Variants in MTMR9 observed in about 807,000 individuals in gnomAD.
The protein encoded by MTMR9 is myotubularin-related protein 9.
In MTMR9, 39 loss-of-function variants were observed where a neutral mutation model predicts 69.5. The ratio of observed to expected loss-of-function variants is 0.56; its 90% confidence interval spans 0.43 to 0.73. MTMR9 has a LOEUF of 0.73. MTMR9 is among the 30% of genes least tolerant of loss of function. The pLI, the probability that MTMR9 is intolerant of heterozygous loss-of-function variation, is 0.00. For missense variants in MTMR9, 900 were observed against 671.2 expected (o/e 1.34, Z -3.77); for synonymous variants, 354 against 240.8 (o/e 1.47, Z -4.35).
At chr8:11,301,516 T>C (rs557005066) in intron 3 of MTMR9, among the ~76,000 whole-genome samples, 14 of 152,368 alleles carry the variant, frequency 9.2e-5, no homozygotes, top group African/African-American at 3.4e-4. Flanking sequence ...AAATGTATTA[T>C]GCAACTAAAC....
chr8:11,299,354 T>G (rs1799670138), intron 2 of MTMR9, among the ~76,000 whole-genome samples: 1 of 152,156 alleles, frequency 6.6e-6, no homozygotes, highest in South Asian at 2.1e-4. Context: ...ACTTTAGATT[T>G]TATTATGTGC....
At position 11,285,084 on chromosome 8, in the gene MTMR9, C is replaced by T. The variant is rs1017575448; in HGVS notation, c.182+14C>T. 2 of 1,565,054 alleles carry T rather than the reference C, an allele frequency of 1.3e-6. No individual in the cohort carries two copies. The highest frequency in any genetic ancestry group is 1.7e-6 in the Non-Finnish European group (2 of 1,151,500). On this transcript the variant is annotated intron_variant, in intron 1 of 9. Transcript: ENST00000221086. Reference sequence around the variant, plus strand: ...CATCGACAAGCGGTGAGTGCCCGCCCCACCCCAGCTCCGCAGGGAGCCGGG... The same window carrying T: ...CATCGACAAGCGGTGAGTGCCCGCCTCACCCCAGCTCCGCAGGGAGCCGGG...
rs1165195681 is a variant in MTMR9 at position 11,284,888 on chromosome 8, C to G, written c.-1C>G. 6.3e-7 allele frequency: 1 copy of G among 1,596,746 alleles called. No individual in the cohort carries two copies. The highest frequency in any genetic ancestry group is 1.1e-5 in the South Asian group (1 of 89,144). ...TTCCCTGGCTCCGGCCGCGGGGGAGCATGGAGTTTGCGGAGCTGATTAAGA... is the reference window on the plus strand; with the variant it reads ...TTCCCTGGCTCCGGCCGCGGGGGAGGATGGAGTTTGCGGAGCTGATTAAGA... On this transcript the variant is annotated 5_prime_UTR_variant, in exon 1 of 10. Transcript: ENST00000221086.
rs367767201 is a variant in MTMR9, at chr8:11,317,215, A to T, written c.1334+322A>T. 34 of 164,890 alleles carry T rather than the reference A, an allele frequency of 2.1e-4. No individual in the cohort carries two copies. The East Asian group carries it at 3.9e-3, about 19-fold the overall frequency. 10.2% of individuals were successfully genotyped at this position (164,890 alleles called of 1,614,324 possible). ...ATTTATAATTCAGGTCTTCCCTCTA[A>T]TTTTATTAAGAAAGTAAGATCCAGA... On this transcript the variant is annotated intron_variant, in intron 8 of 9. Coordinates refer to ENST00000221086, the MANE Select transcript of MTMR9 (RefSeq NM_015458.4).
At chr8:11,299,668 C>T (rs931945104) in intron 2 of MTMR9, among the ~76,000 whole-genome samples, 129 of 152,170 alleles carry the variant, frequency 8.5e-4, no homozygotes, top group Non-Finnish European at 1.2e-4. Context: ...TACTGACTAG[C>T]CAAAAACTGA....
chr8:11,306,706 C>T (rs772284049), intron 5 of MTMR9, among the ~76,000 whole-genome samples: 17 of 152,182 alleles, frequency 1.1e-4, no homozygotes, highest in African/African-American at 3.9e-4. Flanking sequence ...ATGGTGAGAA[C>T]ATTTAATATC....
intron 5 of MTMR9, 43 bp downstream of exon 5, chr8:11,306,450 A>G (rs1393589305): frequency 3.2e-6 from 5 of 1,560,122 alleles, no homozygotes; most frequent in East Asian, 4.5e-5. Flanking sequence ...TTAGAAGCTA[A>G]TTATAGTGGG....
chr8:11,284,952 T>C lies in MTMR9; in HGVS notation c.64T>C (p.Tyr22His). The stretch of plus-strand genomic sequence containing the variant: ...CAATGTGGTGCTGCACCGGCCTTTC[T>C]ACCCGGCTGTCGAGGGCACCCTGTG... Reference protein sequence around the residue: ...VDNVVLHRPFYPAVEGTLCLT... With the variant: ...VDNVVLHRPFHPAVEGTLCLT... Residue 22 changes from tyrosine to histidine, a missense_variant, in exon 1 of 10, where the codon TAC becomes CAC. Physicochemically the swap from Tyr to His is moderately conservative, Grantham distance 83 (BLOSUM62 2). Coordinates refer to ENST00000221086, the MANE Select transcript of MTMR9 (RefSeq NM_015458.4). The C allele has an allele frequency of 2.5e-6, 4 of 1,613,938 alleles. No individual in the cohort carries two copies. The highest frequency in any genetic ancestry group is 1.6e-4 in the Middle Eastern group (1 of 6,062).
rs184598611 is a variant in MTMR9 at position 11,301,386 on chromosome 8, A to G, written c.417+1238A>G. ...TCAGTTGATTTTTGACAAAAGTACC[A>G]ATACAATTCAATTGGGAAAGGATAG... On this transcript the variant is annotated intron_variant, in intron 3 of 9. Transcript: ENST00000221086. Among the ~76,000 whole-genome samples the G allele has an allele frequency of 8.5e-4, 130 of 152,334 alleles. 1 individual carries two copies. Among genetic ancestry groups the G allele is most frequent in the African/African-American group, 3.0e-3 (123 of 41,564 alleles).
At chr8:11,316,197 A>G (rs1195085577) in intron 7 of MTMR9, 1 of 152,308 alleles carries the variant, frequency 6.6e-6, no homozygotes, top group Non-Finnish European at 1.5e-5. Flanking sequence ...TTACTATCAG[A>G]GCTGACATTA....
At chr8:11,320,202 A>G (rs1585135607) in intron 9 of MTMR9, 2 of 190,798 alleles carry the variant, frequency 1.0e-5, no homozygotes, top group East Asian at 3.0e-4. Context: ...AGCAGTCATT[A>G]GGATAGGTTC....
intron 2 of MTMR9, 106 bp downstream of exon 2, chr8:11,295,408 A>G: frequency 2.7e-6 from 2 of 732,162 alleles, no homozygotes; most frequent in Non-Finnish European, 4.8e-6. Flanking sequence ...CTCTGACTCA[A>G]ATACTGAAGA....
intron 1 of MTMR9, 49 bp downstream of exon 1, chr8:11,285,119 T>G: frequency 6.8e-7 from 1 of 1,465,242 alleles, no homozygotes; most frequent in East Asian, 2.6e-5. Flanking sequence ...GGGTCCCTTG[T>G]GGGCGCCCCG....
intron 5 of MTMR9, among the ~76,000 whole-genome samples, chr8:11,307,843 A>C (rs1198507674): frequency 6.6e-6 from 1 of 151,800 alleles, no homozygotes; most frequent in Non-Finnish European, 1.5e-5. Flanking sequence ...GGCCATTTAT[A>C]TGTCTTCTTT....
In MTMR9 at chr8:11,322,852, C is replaced by T. The variant is rs1337379077; in HGVS notation, c.*64C>T. The T allele has an allele frequency of 1.4e-6, 2 of 1,477,018 alleles. No homozygotes were observed. The highest frequency in any genetic ancestry group is 1.8e-6 in the Non-Finnish European group (2 of 1,085,844). The allele number at this position is 1,477,018 out of a possible 1,614,324, so 91.5% of individuals were successfully genotyped here. ...CTGTGTCCGCCGTTCTCTCCTTGTG[C>T]CCTTCAGTTCACTTTTACACGGTAG... On this transcript the variant is annotated 3_prime_UTR_variant, in exon 10 of 10. Transcript: ENST00000221086.
intron 2 of MTMR9, among the ~76,000 whole-genome samples, chr8:11,296,456 C>A (rs1257508268): frequency 1.3e-5 from 2 of 152,122 alleles, no homozygotes; most frequent in Non-Finnish European, 2.9e-5. Context: ...GGGTATAAAA[C>A]TTTATTCACA....
rs1055905471 is a variant in MTMR9, at chr8:11,323,722, G to A, written c.*934G>A. On this transcript the variant is annotated 3_prime_UTR_variant, in exon 10 of 10. Transcript: ENST00000221086. ...TTTATATGTGTATGTGTGTTTTATTGTGTGTTTTTTTAATTTGTAAGTATT... is the reference window on the plus strand; with the variant it reads ...TTTATATGTGTATGTGTGTTTTATTATGTGTTTTTTTAATTTGTAAGTATT... 2.0e-5 allele frequency: 3 copies of A among 152,098 alleles called. No individual in the cohort carries two copies. The highest frequency in any genetic ancestry group is 4.4e-5 in the Non-Finnish European group (3 of 67,998). The allele number at this position is 152,098 out of a possible 1,614,324, so 9.4% of individuals were successfully genotyped here.
At chr8:11,289,750 C>A (rs1799314729) in intron 1 of MTMR9, among the ~76,000 whole-genome samples, 2 of 152,166 alleles carry the variant, frequency 1.3e-5, no homozygotes, top group African/African-American at 2.4e-5. Context: ...TGTTGTAGAT[C>A]TTGTTCTGCT....
At chr8:11,311,547 A>G (rs1009779242) in intron 6 of MTMR9, among the ~76,000 whole-genome samples, 1 of 152,230 alleles carries the variant, frequency 6.6e-6, no homozygotes, top group Non-Finnish European at 1.5e-5. Context: ...CAATAGTATT[A>G]TGTCTAAAAA....
Sources: allele counts gnomAD v4.1 joint callset (sites outside exome capture counted in the v4.1 genomes callset), GRCh38; gene constraint gnomAD v4.1.1; transcripts MANE v1.5; gene names NCBI Gene and HGNC (gene_info 2026-07-23, HGNC 2026-07-21).